FAT1: variants seen among roughly 807,000 people sequenced by gnomAD.
The protein encoded by FAT1 is protocadherin Fat 1.
FAT1 carries 171 observed loss-of-function variants against 329.8 expected under a neutral mutation model. That is an observed-to-expected ratio of 0.52 (90% CI 0.46 to 0.59). The LOEUF (loss-of-function observed/expected upper bound fraction) is 0.59, where lower values mean the gene tolerates loss of function less well. Ranked by LOEUF, FAT1 falls within the 20% of genes least tolerant of loss-of-function variation. The pLI is 0.00. For synonymous variants in FAT1, 2,233 were observed against 2,228.6 expected (o/e 1.00, Z -0.06); for missense variants, 5,672 against 5,774.4 (o/e 0.98, Z 0.57).
intron 20 of FAT1, 73 bp from the exon 21 acceptor site, chr4:186,601,499 C>T: frequency 3.1e-6 from 4 of 1,308,446 alleles, no homozygotes; most frequent in East Asian, 4.8e-5. Context: ...GACTCCCCTG[C>T]ACCCCTTGAG....
Position 186,611,622 on chromosome 4 carries a change from A to G in FAT1, c.9617T>C (p.Leu3206Ser), listed in dbSNP as rs2126468888. ...TLSLKAVDQGLPRRLTATGTV... is the reference protein window; with the variant it reads ...TLSLKAVDQGSPRRLTATGTV... ...GCCAGTGGCAGTCAGCCTCCTTGGCAAGCCTTGATCCACAGCTTTCAAAGA... is the reference window on the plus strand; with the variant it reads ...GCCAGTGGCAGTCAGCCTCCTTGGCGAGCCTTGATCCACAGCTTTCAAAGA... Residue 3206 changes from leucine to serine, a missense_variant, in exon 14 of 27, where the codon TTG becomes TCG. By Grantham distance (145) the Leu-to-Ser change is moderately radical. Around this residue, in one of 2 missense-constraint regions of FAT1, gnomAD observed 1,706 missense variants for 1,859.1 expected, o/e 0.92. Transcript: ENST00000441802. 1 of 1,613,624 alleles carries G rather than the reference A, an allele frequency of 6.2e-7. No individual in the cohort carries two copies. The highest frequency in any genetic ancestry group is 8.5e-7 in the Non-Finnish European group (1 of 1,179,728).
chr4:186,635,923 C>G, intron 6 of FAT1, 102 bp downstream of exon 6: 1 of 1,005,088 alleles, frequency 9.9e-7, no homozygotes, highest in Non-Finnish European at 1.5e-6. Flanking sequence ...CGATCTTATT[C>G]CCAATTTTAA....
chr4:186,715,004 G>A (rs1258862127), intron 1 of FAT1, among the ~76,000 whole-genome samples: 3 of 152,154 alleles, frequency 2.0e-5, no homozygotes, highest in East Asian at 3.9e-4. Flanking sequence ...CGTGAACAAG[G>A]GAGACGGAGG....
intron 7 of FAT1, among the ~76,000 whole-genome samples, chr4:186,629,983 G>A (rs1740513501): frequency 6.6e-6 from 1 of 152,146 alleles, no homozygotes; most frequent in African/African-American, 2.4e-5. Context: ...CATGTAGTGG[G>A]TACTGAGCAG....
rs2126699653 is a variant in FAT1, at chr4:186,708,860, A to G, written c.968T>C (p.Ile323Thr). Reference sequence around the variant, plus strand: ...GCCGAAAGGATGACTGTCCCAATCAATGCCACCGATGGCTTTGACTTTATA... The same window carrying G: ...GCCGAAAGGATGACTGTCCCAATCAGTGCCACCGATGGCTTTGACTTTATA... ...KEYKVKAIGG[I>T]DWDSHPFGYN... The change falls in exon 2 of 27, where the codon ATT (isoleucine) becomes ACT (threonine). Residue 323 changes from isoleucine to threonine, a missense_variant. By Grantham distance (89) the Ile-to-Thr change is moderately conservative (BLOSUM62 -1). This residue lies in a region of FAT1 where 3,966 missense variants were observed against 3,915.2 expected (regional missense o/e 1.01). Coordinates refer to ENST00000441802, the MANE Select transcript of FAT1 (RefSeq NM_005245.4). 1 of 1,613,964 alleles carries G rather than the reference A, an allele frequency of 6.2e-7. No homozygotes were observed.
chr4:186,636,074 T>C lies in FAT1; in HGVS notation c.4134A>G (p.Gly1378=). 3 of 1,613,944 alleles carry C rather than the reference T, an allele frequency of 1.9e-6. 1 individual carries two copies. The South Asian group carries it at 3.3e-5, about 18-fold the overall frequency. ...MESDPVAHMI[G]VISVEPPGIP... is the part of the protein sequence containing the mutation. ...TGCCAGGAGGCTCCACAGATATTAC[T>C]CCAATCATGTGAGCAACGGGGTCAC... Residue 1378 remains glycine, a synonymous_variant, in exon 6 of 27, where the codon GGA becomes GGG. Transcript: ENST00000441802.
chr4:186,646,726 G>GA (rs34078009), intron 3 of FAT1, among the ~76,000 whole-genome samples: 2 of 147,618 alleles, frequency 1.4e-5, no homozygotes, highest in Admixed American at 1.3e-4. Context: ...AACCTACATA[G>GA]AAAAAAAAAA....
Position 186,619,407 on chromosome 4 carries a change from C to T in FAT1, c.7179G>A (p.Gln2393=), listed in dbSNP as rs1739909923. 1 of 1,614,002 alleles carries T rather than the reference C, an allele frequency of 6.2e-7. No homozygotes were observed. Among genetic ancestry groups the T allele is most frequent in the Middle Eastern group, 1.7e-4 (1 of 6,060 alleles). ...LNDNPPLFEQ[Q]IYEARISEHA... is the part of the protein sequence containing the mutation. ...GCTCGCTAATTCTGGCTTCATAAAT[C>T]TGTTGTTCAAAGAGTGGTGGATTAT... is the stretch of plus-strand genomic sequence containing the variant. Residue 2393 remains glutamine, a synonymous_variant, in exon 10 of 27, where the codon CAG becomes CAA. Transcript: ENST00000441802.
intron 17 of FAT1, 32 bp from the exon 18 acceptor site, chr4:186,604,606 A>C (rs1402770039): frequency 5.9e-6 from 9 of 1,517,588 alleles, no homozygotes; most frequent in Non-Finnish European, 7.2e-6. Context: ...ATTAAACAAA[A>C]ATCCTGGAAC....
intron 26 of FAT1, 33 bp downstream of exon 26, chr4:186,595,656 A>C: frequency 1.2e-6 from 2 of 1,611,362 alleles, no homozygotes; most frequent in Non-Finnish European, 1.7e-6. Flanking sequence ...ACAAGCAAGC[A>C]AAGCGCAGTG....
rs1292284058 is a variant in FAT1 at position 186,603,561 on chromosome 4, G to A, written c.10965C>T (p.Phe3655=). Residue 3655 remains phenylalanine (F), a synonymous_variant, in exon 19 of 27, where the codon TTC becomes TTT. Coordinates refer to ENST00000441802, the MANE Select transcript of FAT1 (RefSeq NM_005245.4). ...IRFANLTPEE[F]VGDYWRNFQR... ...GGAAGTTGCGCCAGTAGTCACCAAC[G>A]AATTCTTCCGGAGTGAGGTTGGCAA... 7.4e-6 allele frequency: 12 copies of A among 1,613,992 alleles called. No homozygotes were observed. Among genetic ancestry groups the A allele is most frequent in the African/African-American group, 1.3e-5 (1 of 75,034 alleles).
intron 3 of FAT1, among the ~76,000 whole-genome samples, chr4:186,658,610 C>A (rs982500511): frequency 6.6e-6 from 1 of 152,212 alleles, no homozygotes; most frequent in Non-Finnish European, 1.5e-5. Context: ...AACCCTTATT[C>A]TGGCATTCGA....
At chr4:186,669,412 G>C (rs1200132340) in intron 2 of FAT1, among the ~76,000 whole-genome samples, 1 of 152,216 alleles carries the variant, frequency 6.6e-6, no homozygotes, top group African/African-American at 2.4e-5. Context: ...GACAGGTTGA[G>C]ACACGCTTGT....
chr4:186,600,026 T>C lies in FAT1; in HGVS notation c.11975A>G (p.Lys3992Arg). ...TTCGATGTGTGCATAGCTTCTGGGT[T>C]TGCTGTTTAAAGGGAGCTCCTGCCC... ...LNGQELPLNS[K>R]PRSYAHIEES... Residue 3992 changes from lysine (K) to arginine (R), a missense_variant, in exon 22 of 27, where the codon AAA (lysine) becomes AGA (arginine). Lys to Arg is a conservative substitution (Grantham distance 26). Transcript: ENST00000441802. The C allele has an allele frequency of 6.2e-7, 1 of 1,614,008 alleles. No homozygotes were observed.
intron 16 of FAT1, among the ~76,000 whole-genome samples, chr4:186,607,531 G>A (rs181564296): frequency 2.2e-4 from 33 of 152,096 alleles, no homozygotes; most frequent in Middle Eastern, 6.8e-3. Context: ...GGACAGGTGG[G>A]TAGGTGGATG....
At chr4:186,595,875 G>T (rs1440405490) in intron 25 of FAT1, 49 bp from the exon 26 acceptor site, 1 of 1,602,066 alleles carries the variant, frequency 6.2e-7, no homozygotes, top group Non-Finnish European at 8.5e-7. Flanking sequence ...AGACGGTTTT[G>T]TTCACCGCTG....
chr4:186,719,429 T>G (rs964107522), intron 1 of FAT1, among the ~76,000 whole-genome samples: 1 of 152,246 alleles, frequency 6.6e-6, no homozygotes. Flanking sequence ...TTCTCAGATT[T>G]GGGTATAAAA....
chr4:186,605,747 A>AGAGCAAGAGGGAAGAG lies in FAT1; in HGVS notation c.10350+307_10350+322dup, dbSNP rs1451360494. ...GAAGGAAGGATTGGGGGCTAGAAGAAGAGCAAGAGGGAAGAGGAAGGTCAA... is the reference window on the plus strand; with the variant it reads ...GAAGGAAGGATTGGGGGCTAGAAGAAGAGCAAGAGGGAAGAGGAGCAAGAGGGAAGAGGAAGGTCAA... On this transcript the variant is annotated intron_variant, in intron 17 of 26. Transcript: ENST00000441802. Among the ~76,000 whole-genome samples the AGAGCAAGAGGGAAGAG allele has an allele frequency of 2.0e-5, 3 of 147,460 alleles. No individual in the cohort carries two copies. The South Asian group carries it at 6.9e-4, about 34-fold the overall frequency.
chr4:186,624,824 G>A (rs868223149), intron 9 of FAT1, among the ~76,000 whole-genome samples: 1 of 152,124 alleles, frequency 6.6e-6, no homozygotes, highest in African/African-American at 2.4e-5. Context: ...TTTATAGTTC[G>A]TACTATTCCA....
Sources: gnomAD v4.1 joint callset for allele counts (sites outside exome capture counted in the v4.1 genomes callset) on GRCh38, gnomAD v4.1.1 for gene constraint, gnomAD v4.1.1 regional missense constraint, MANE v1.5 for transcripts, NCBI Gene and HGNC (gene_info 2026-07-23, HGNC 2026-07-21) for gene names.